INPP4B: variants seen among roughly 807,000 people sequenced by gnomAD.
The protein encoded by INPP4B is inositol polyphosphate 4-phosphatase type II.
In INPP4B, 55 loss-of-function variants were observed where a neutral mutation model predicts 122.5. The ratio of observed to expected loss-of-function variants is 0.45; its 90% CI spans 0.36 to 0.56. The LOEUF (loss-of-function observed/expected upper bound fraction) is 0.56. Ranked by LOEUF, INPP4B falls within the 20% of genes least tolerant of loss-of-function variation. The pLI, the probability that INPP4B is intolerant of heterozygous loss-of-function variation, is 0.00. For synonymous variants in INPP4B, 403 were observed against 388.7 expected (o/e 1.04, Z -0.43); for missense variants, 1,000 against 1,097.7 (o/e 0.91, Z 1.26).
intron 2 of INPP4B, among the ~76,000 whole-genome samples, chr4:142,549,467 A>G (rs886157969): frequency 2.0e-5 from 3 of 152,296 alleles, no homozygotes; most frequent in Admixed American, 1.3e-4. Context: ...AGTTGAAGGT[A>G]CAGAGCCAAA....
chr4:142,418,761 T>C (rs1189048782), intron 5 of INPP4B, among the ~76,000 whole-genome samples: 2 of 152,180 alleles, frequency 1.3e-5, no homozygotes, highest in Admixed American at 6.6e-5. Context: ...AAGACCCATT[T>C]TGATTTTACT....
intron 14 of INPP4B, among the ~76,000 whole-genome samples, chr4:142,203,724 G>T (rs1841609348): frequency 1.3e-5 from 2 of 151,954 alleles, no homozygotes; most frequent in South Asian, 4.1e-4. Flanking sequence ...TATTTCAAGA[G>T]CTACATATTA....
intron 5 of INPP4B, among the ~76,000 whole-genome samples, chr4:142,409,403 G>C (rs1348997423): frequency 1.3e-5 from 2 of 152,156 alleles, no homozygotes; most frequent in Non-Finnish European, 2.9e-5. Flanking sequence ...TGAGGTGGGA[G>C]AGTCGCTTGA....
At chr4:142,222,626 A>G (rs1385178940) in intron 12 of INPP4B, among the ~76,000 whole-genome samples, 1 of 152,220 alleles carries the variant, frequency 6.6e-6, no homozygotes, top group Non-Finnish European at 1.5e-5. Context: ...CAAATAACAA[A>G]ACTGAGGAAT....
intron 17 of INPP4B, 85 bp from the exon 18 acceptor site, chr4:142,146,081 T>C: frequency 1.4e-6 from 2 of 1,446,796 alleles, no homozygotes; most frequent in Non-Finnish European, 1.9e-6. Context: ...TAGAGAAGCA[T>C]TTGGAAGGGT....
At chr4:142,272,668 T>C (rs1746444937) in intron 9 of INPP4B, among the ~76,000 whole-genome samples, 1 of 152,020 alleles carries the variant, frequency 6.6e-6, no homozygotes, top group Non-Finnish European at 1.5e-5. Flanking sequence ...TGTCATATTC[T>C]CATTTGAATA....
At chr4:142,350,333 T>C (rs1216207156) in intron 7 of INPP4B, among the ~76,000 whole-genome samples, 3 of 152,028 alleles carry the variant, frequency 2.0e-5, no homozygotes, top group Non-Finnish European at 4.4e-5. Flanking sequence ...TTCTATATGA[T>C]AATTTAAAGA....
intron 2 of INPP4B, among the ~76,000 whole-genome samples, chr4:142,698,907 T>C (rs1300286505): frequency 6.6e-6 from 1 of 152,186 alleles, no homozygotes. Flanking sequence ...AATAATTTTT[T>C]ACTCCTACCC....
At chr4:142,776,801 T>G (rs771311532) in intron 1 of INPP4B, among the ~76,000 whole-genome samples, 1 of 152,152 alleles carries the variant, frequency 6.6e-6, no homozygotes, top group Non-Finnish European at 1.5e-5. Context: ...GACCTGGATC[T>G]ATCCCAGTGT....
At chr4:142,836,331 T>C (rs761048507) in intron 1 of INPP4B, among the ~76,000 whole-genome samples, 1 of 151,920 alleles carries the variant, frequency 6.6e-6, no homozygotes, top group Non-Finnish European at 1.5e-5. Flanking sequence ...TCCTATCAGA[T>C]ATTAAGGAAA....
intron 21 of INPP4B, among the ~76,000 whole-genome samples, chr4:142,119,868 A>C (rs903918360): frequency 6.7e-6 from 1 of 149,226 alleles, no homozygotes; most frequent in Non-Finnish European, 1.5e-5. Flanking sequence ...AGTTCTATAT[A>C]TATATACATA....
intron 2 of INPP4B, among the ~76,000 whole-genome samples, chr4:142,713,577 T>A (rs979418543): frequency 1.3e-5 from 2 of 152,226 alleles, no homozygotes; most frequent in African/African-American, 2.4e-5. Context: ...GAACATTCTC[T>A]GAAAGTCACA....
intron 15 of INPP4B, among the ~76,000 whole-genome samples, chr4:142,187,899 A>G (rs1833879519): frequency 6.6e-6 from 1 of 152,012 alleles, no homozygotes; most frequent in Non-Finnish European, 1.5e-5. Flanking sequence ...CCTGGCCTAT[A>G]TTATGTATAT....
intron 2 of INPP4B, among the ~76,000 whole-genome samples, chr4:142,533,031 C>T (rs1827801977): frequency 6.6e-6 from 1 of 152,106 alleles, no homozygotes. Flanking sequence ...AAATGAAAGG[C>T]ATGTCAAAAA....
intron 9 of INPP4B, among the ~76,000 whole-genome samples, chr4:142,286,421 A>G (rs1753724144): frequency 1.3e-5 from 2 of 152,238 alleles, no homozygotes; most frequent in African/African-American, 4.8e-5. Flanking sequence ...GACAGTAAAA[A>G]CTAAAAGTTA....
chr4:142,359,742 T>C (rs909493628), intron 7 of INPP4B, among the ~76,000 whole-genome samples: 10 of 152,036 alleles, frequency 6.6e-5, no homozygotes, highest in African/African-American at 2.2e-4. Context: ...AGCTTTATGC[T>C]TTATGCTATT....
intron 1 of INPP4B, among the ~76,000 whole-genome samples, chr4:142,764,417 T>C (rs918152743): frequency 6.6e-6 from 1 of 151,992 alleles, no homozygotes; most frequent in Admixed American, 6.6e-5. Flanking sequence ...TGTCAGAAAA[T>C]AGCTGGCACA....
rs1553969027 is a variant in INPP4B, at chr4:142,097,225, T to TGTTA, written c.2374+10867_2374+10868insTAAC. On this transcript the variant is annotated intron_variant, in intron 23 of 25. Coordinates refer to ENST00000262992, the MANE Select transcript of INPP4B (RefSeq NM_001101669.3). ...TCCATTTTTTGTTTATTTTATGTTA[T>TGTTA]TTTTATTTTATTTTATTTTATTTTA... 2.1e-4 allele frequency among the ~76,000 whole-genome samples: 29 copies of TGTTA among 135,540 alleles called. 1 individual carries two copies. Among genetic ancestry groups the TGTTA allele is most frequent in the African/African-American group, 6.8e-4 (24 of 35,274 alleles). 88.9% of individuals were successfully genotyped at this position (135,540 alleles called of 152,430 possible). A position where few individuals can be genotyped will look rare whatever the true frequency, so the allele number is the denominator to read the frequency against.
intron 25 of INPP4B, among the ~76,000 whole-genome samples, chr4:142,052,529 CAGACA>C (rs748725924): frequency 2.6e-5 from 4 of 152,004 alleles, no homozygotes; most frequent in Non-Finnish European, 5.9e-5. Context: ...GCATTTCCAA[CAGACA>C]AGACATGTAC....
Sources: gnomAD v4.1 joint callset for allele counts (sites outside exome capture counted in the v4.1 genomes callset) on GRCh38, gnomAD v4.1.1 for gene constraint, MANE v1.5 for transcripts, NCBI Gene and HGNC (gene_info 2026-07-23, HGNC 2026-07-21) for gene names.